Variants in CDH13 observed in about 807,000 individuals in gnomAD.
The protein encoded by CDH13 is cadherin 13.
A neutral mutation model predicts 63.8 loss-of-function variants in CDH13; 24 were observed. The observed-to-expected ratio is 0.38, with a 90% CI of 0.27 to 0.53. CDH13 has a LOEUF of 0.53. Among genes scored for constraint, CDH13 ranks in the 20% least tolerant of loss-of-function variants. CDH13 has a pLI of 0.85. For synonymous variants in CDH13, 503 were observed against 355.3 expected (o/e 1.42, Z -4.67); for missense variants, 1,049 against 903.1 (o/e 1.16, Z -2.07).
At chr16:82,838,696 T>C (rs2038875255) in intron 1 of CDH13, among the ~76,000 whole-genome samples, 1 of 152,204 alleles carries the variant, frequency 6.6e-6, no homozygotes, top group African/African-American at 2.4e-5. Flanking sequence ...CTCAAAGTCA[T>C]TGTGGGGACC....
chr16:83,381,100 C>G (rs982723140), intron 6 of CDH13, among the ~76,000 whole-genome samples: 1 of 152,098 alleles, frequency 6.6e-6, no homozygotes, highest in Non-Finnish European at 1.5e-5. Flanking sequence ...AGGAAACATG[C>G]TAAGTACTTC....
At chr16:83,186,809 A>T (rs1361478228) in intron 4 of CDH13, among the ~76,000 whole-genome samples, 1 of 152,142 alleles carries the variant, frequency 6.6e-6, no homozygotes, top group African/African-American at 2.4e-5. Flanking sequence ...ACTCTTTCTC[A>T]TGTGGAGGAA....
chr16:83,273,473 A>C lies in CDH13; in HGVS notation c.636+55976A>C, dbSNP rs576909678. On this transcript the variant is annotated intron_variant, in intron 5 of 13. Transcript: ENST00000567109. ...GGGCATTTGCTTTTTTCTTCCTGCA[A>C]GTTCCCATAGGTGGCAGCTGGATAA... 1.1e-4 allele frequency among the ~76,000 whole-genome samples: 16 copies of C among 152,214 alleles called. No individual in the cohort carries two copies. In the South Asian group the frequency reaches 3.3e-3, roughly 32 times the overall value.
intron 1 of CDH13, among the ~76,000 whole-genome samples, chr16:82,803,551 G>C (rs550120983): frequency 6.6e-6 from 1 of 152,182 alleles, no homozygotes; most frequent in South Asian, 2.1e-4. Context: ...CAATGTTCCT[G>C]TAGTCGCTCT....
At chr16:83,098,516 C>T (rs1264631037) in intron 3 of CDH13, among the ~76,000 whole-genome samples, 1 of 152,184 alleles carries the variant, frequency 6.6e-6, no homozygotes, top group Non-Finnish European at 1.5e-5. Flanking sequence ...GACTATTGAA[C>T]ATTTCTTACA....
chr16:83,272,375 A>ATTACTC (rs2088851340), intron 5 of CDH13, among the ~76,000 whole-genome samples: 1 of 152,226 alleles, frequency 6.6e-6, no homozygotes, highest in African/African-American at 2.4e-5. Flanking sequence ...TGAGACTGTG[A>ATTACTC]ACCAGGAGGA....
At chr16:83,545,681 C>T (rs2075374479) in intron 7 of CDH13, among the ~76,000 whole-genome samples, 2 of 152,166 alleles carry the variant, frequency 1.3e-5, no homozygotes, top group African/African-American at 4.8e-5. Flanking sequence ...CCTTTAGACT[C>T]TCCATACAGT....
At chr16:83,110,242 A>G (rs2034993078) in intron 3 of CDH13, among the ~76,000 whole-genome samples, 1 of 152,220 alleles carries the variant, frequency 6.6e-6, no homozygotes, top group African/African-American at 2.4e-5. Context: ...TGATCACTCC[A>G]TCAACTGCTG....
At chr16:83,550,772 G>A (rs1355012628) in intron 7 of CDH13, among the ~76,000 whole-genome samples, 3 of 152,024 alleles carry the variant, frequency 2.0e-5, no homozygotes, top group East Asian at 1.9e-4. Flanking sequence ...CTGTTAAATC[G>A]AGGAAGCAGT....
In CDH13 at chr16:82,634,865, G is replaced by T. The variant is rs147148281; in HGVS notation, c.45+7728G>T. 1.9e-3 allele frequency among the ~76,000 whole-genome samples: 286 copies of T among 152,252 alleles called. 1 individual carries two copies. The highest frequency in any genetic ancestry group is 0.017 in the Middle Eastern group (5 of 294). On this transcript the variant is annotated intron_variant, in intron 1 of 13. Transcript: ENST00000567109. ...CAGGGAGATTCACCTGAGACCAAAT[G>T]GTTCCAATAAATATCTATGATCTCT...
At chr16:82,715,893 C>A (rs763057937) in intron 1 of CDH13, among the ~76,000 whole-genome samples, 1 of 152,214 alleles carries the variant, frequency 6.6e-6, no homozygotes, top group Non-Finnish European at 1.5e-5. Context: ...TCCAGGAATG[C>A]CCTTTCTTCT....
chr16:82,844,582 CAGTGT>C, intron 1 of CDH13: 1 of 145,168 alleles, frequency 6.9e-6, no homozygotes, highest in Non-Finnish European at 1.5e-5. Flanking sequence ...GCCTGGGCGA[CAGTGT>C]GACACTCTGT....
At chr16:82,818,923 G>A (rs1831325848) in intron 1 of CDH13, among the ~76,000 whole-genome samples, 1 of 152,186 alleles carries the variant, frequency 6.6e-6, no homozygotes, top group Non-Finnish European at 1.5e-5. Flanking sequence ...CATTTTCAAT[G>A]ACAGAACTTG....
At chr16:83,495,024 T>C (rs879384849) in intron 7 of CDH13, among the ~76,000 whole-genome samples, 21 of 152,174 alleles carry the variant, frequency 1.4e-4, no homozygotes, top group Non-Finnish European at 3.1e-4. Context: ...TCGTATAGAC[T>C]TTCTTGGCCA....
intron 5 of CDH13, among the ~76,000 whole-genome samples, chr16:83,231,130 G>C (rs1374558762): frequency 6.6e-6 from 1 of 152,178 alleles, no homozygotes; most frequent in Non-Finnish European, 1.5e-5. Flanking sequence ...TCACATTCTA[G>C]ATAACTTGCA....
rs183855886 is a variant in CDH13, at chr16:83,047,435, C to T, written c.366+15217C>T. 6.6e-6 allele frequency among the ~76,000 whole-genome samples: 1 copy of T among 152,098 alleles called. No individual in the cohort carries two copies. Among genetic ancestry groups the T allele is most frequent in the African/African-American group, 2.4e-5 (1 of 41,408 alleles). Reference sequence around the variant, plus strand: ...GTTAACAAAGCCTAGTCTGTAAGAGCGTGACCACCAGTCTTATTTACCTTG... The same window carrying T: ...GTTAACAAAGCCTAGTCTGTAAGAGTGTGACCACCAGTCTTATTTACCTTG... On this transcript the variant is annotated intron_variant, in intron 3 of 13. Coordinates refer to ENST00000567109, the MANE Select transcript of CDH13 (RefSeq NM_001257.5). The surrounding 1 kb of genome is among the most constrained non-coding windows in gnomAD (Gnocchi z 4.9).
At chr16:83,162,458 C>G (rs1003592022) in intron 4 of CDH13, among the ~76,000 whole-genome samples, 1 of 152,124 alleles carries the variant, frequency 6.6e-6, no homozygotes, top group Non-Finnish European at 1.5e-5. Context: ...CCCAAGAATA[C>G]GTAGCAAGTA....
At chr16:82,757,337 T>A (rs934444346) in intron 1 of CDH13, among the ~76,000 whole-genome samples, 1 of 152,184 alleles carries the variant, frequency 6.6e-6, no homozygotes, top group Non-Finnish European at 1.5e-5. Context: ...ATATTTGAAC[T>A]TCTTACCCAA....
intron 6 of CDH13, among the ~76,000 whole-genome samples, chr16:83,457,210 C>T (rs185948281): frequency 6.6e-6 from 1 of 152,316 alleles, no homozygotes; most frequent in East Asian, 1.9e-4. Flanking sequence ...GCACTGACAC[C>T]TTACGGTTGT....
Sources: gnomAD v4.1 joint callset for allele counts (sites outside exome capture counted in the v4.1 genomes callset) on GRCh38, gnomAD v4.1.1 for gene constraint, Gnocchi (gnomAD v3.1) non-coding constraint, MANE v1.5 for transcripts, NCBI Gene and HGNC (gene_info 2026-07-23, HGNC 2026-07-21) for gene names.